Variants in ZPBP observed in about 807,000 individuals in gnomAD.
ZPBP encodes zona pellucida-binding protein 1.
ZPBP carries 26 observed loss-of-function variants against 44.8 expected under a neutral mutation model. The observed-to-expected ratio is 0.58, with a 90% CI of 0.43 to 0.81. ZPBP has a LOEUF of 0.81. ZPBP is among the 30% of genes least tolerant of loss of function. The probability of loss-of-function intolerance (pLI) is 0.00; values close to 1 mark genes in which losing one functional copy is unlikely to be tolerated. For synonymous variants in ZPBP, 174 were observed against 153.2 expected (o/e 1.14, Z -1.00); for missense variants, 409 against 434.0 (o/e 0.94, Z 0.51).
intron 1 of ZPBP, among the ~76,000 whole-genome samples, chr7:49,906,164 C>A (rs1793076662): frequency 6.6e-6 from 1 of 152,156 alleles, no homozygotes; most frequent in African/African-American, 2.4e-5. Flanking sequence ...TTTCACTTTA[C>A]TCTATGGACT....
intron 2 of ZPBP, among the ~76,000 whole-genome samples, chr7:49,871,837 A>G (rs972837931): frequency 2.6e-5 from 4 of 151,842 alleles, no homozygotes; most frequent in Admixed American, 2.6e-4. Context: ...AGACATACAT[A>G]CATGTACATG....
chr7:49,976,719 G>T (rs1249238097), intron 7 of ZPBP, among the ~76,000 whole-genome samples: 1 of 151,890 alleles, frequency 6.6e-6, no homozygotes, highest in African/African-American at 2.4e-5. Flanking sequence ...TTTGACCCAC[G>T]AAGTCTTCAT....
At chr7:49,900,599 T>C (rs927574815) in intron 2 of ZPBP, among the ~76,000 whole-genome samples, 1 of 151,648 alleles carries the variant, frequency 6.6e-6, no homozygotes, top group African/African-American at 2.4e-5. Flanking sequence ...CTGACAAAGC[T>C]CACACAAAAT....
intron 4 of ZPBP, among the ~76,000 whole-genome samples, chr7:50,045,897 T>C (rs1307088956): frequency 6.6e-6 from 1 of 152,114 alleles, no homozygotes; most frequent in Non-Finnish European, 1.5e-5. Flanking sequence ...CTTCAAACTA[T>C]ACTACAAGGC....
intron 4 of ZPBP, among the ~76,000 whole-genome samples, chr7:50,033,805 G>A (rs1052414161): frequency 5.3e-5 from 8 of 151,918 alleles, no homozygotes; most frequent in East Asian, 1.9e-4. Flanking sequence ...TGATTCTCCC[G>A]CCTCAGCCTC....
At chr7:50,062,958 GT>G (rs1801319508) in intron 3 of ZPBP, among the ~76,000 whole-genome samples, 1 of 146,786 alleles carries the variant, frequency 6.8e-6, no homozygotes, top group Admixed American at 7.0e-5. Context: ...CAAACAAAGA[GT>G]CGTTACCTTT....
chr7:49,978,199 A>T (rs942215977), intron 7 of ZPBP, among the ~76,000 whole-genome samples: 12 of 151,672 alleles, frequency 7.9e-5, no homozygotes, highest in African/African-American at 2.9e-4. Flanking sequence ...GTTTTCACAA[A>T]CTTCTTTTAA....
chr7:49,930,164 G>T (rs1794398695), intron 1 of ZPBP, among the ~76,000 whole-genome samples: 1 of 152,172 alleles, frequency 6.6e-6, no homozygotes, highest in African/African-American at 2.4e-5. Flanking sequence ...ACTAAGGACT[G>T]GGGGCAAGAG....
chr7:49,997,924 T>C (rs1797924148), intron 6 of ZPBP, among the ~76,000 whole-genome samples: 1 of 152,022 alleles, frequency 6.6e-6, no homozygotes, highest in Non-Finnish European at 1.5e-5. Flanking sequence ...ATTTATTTAT[T>C]CATTTATTTT....
chr7:49,840,882 C>G, the ZPBP span, among the ~76,000 whole-genome samples: 1 of 152,110 alleles, frequency 6.6e-6, no homozygotes, highest in East Asian at 1.9e-4. Context: ...GTTGCCCTGT[C>G]TCAAGTTTTC....
chr7:49,879,867 A>G (rs909560712), intron 2 of ZPBP, among the ~76,000 whole-genome samples: 1 of 152,046 alleles, frequency 6.6e-6, no homozygotes, highest in Non-Finnish European at 1.5e-5. Context: ...AAAACCTCAG[A>G]AAGTTATTTG....
chr7:49,981,001 G>T, intron 7 of ZPBP, among the ~76,000 whole-genome samples: 1 of 150,388 alleles, frequency 6.6e-6, no homozygotes, highest in African/African-American at 2.4e-5. Flanking sequence ...AACTTTTTGT[G>T]TTTTGTTATT....
At chr7:49,956,720 C>T (rs1795614158) in intron 7 of ZPBP, among the ~76,000 whole-genome samples, 1 of 151,994 alleles carries the variant, frequency 6.6e-6, no homozygotes, top group African/African-American at 2.4e-5. Flanking sequence ...TCCACAAATC[C>T]TATATTGAGC....
rs550726984 is a variant in ZPBP, at chr7:49,985,157, C to A, written c.784-1638G>T. Among the ~76,000 whole-genome samples the A allele has an allele frequency of 1.6e-3, 246 of 152,328 alleles. 8 individuals carry two copies. In the South Asian group the frequency reaches 0.049, roughly 30 times the overall value. ...GCTGAGCTACCTGAATAGGCTCCAG[C>A]CACCTGTGACACTGAACTGGAACAA... On this transcript the variant is annotated intron_variant, in intron 6 of 7. Coordinates refer to ENST00000046087, the MANE Select transcript of ZPBP (RefSeq NM_007009.3).
At chr7:49,925,037 C>G (rs1039772662) in intron 1 of ZPBP, among the ~76,000 whole-genome samples, 2 of 152,218 alleles carry the variant, frequency 1.3e-5, no homozygotes, top group Admixed American at 6.5e-5. Flanking sequence ...ATGGGCCCAG[C>G]AGGAGCTGGC....
intron 2 of ZPBP, among the ~76,000 whole-genome samples, chr7:49,897,005 C>T (rs1239805199): frequency 6.6e-6 from 1 of 151,216 alleles, no homozygotes; most frequent in Non-Finnish European, 1.5e-5. Flanking sequence ...ACGCCATTCT[C>T]CTGCCTCAGC....
chr7:50,035,602 G>A (rs182121782), intron 4 of ZPBP, among the ~76,000 whole-genome samples: 129 of 152,140 alleles, frequency 8.5e-4, no homozygotes, highest in Middle Eastern at 3.4e-3. Context: ...AGGAAAACAG[G>A]CAAAATATAT....
chr7:50,090,303 T>C (rs1185273165), intron 1 of ZPBP, among the ~76,000 whole-genome samples: 6 of 152,054 alleles, frequency 3.9e-5, no homozygotes, highest in South Asian at 2.1e-4. Flanking sequence ...CTCATGCCTT[T>C]GCATCCTCAT....
At chr7:50,026,456 A>G (rs558331766) in intron 5 of ZPBP, among the ~76,000 whole-genome samples, 6 of 152,026 alleles carry the variant, frequency 3.9e-5, no homozygotes, top group African/African-American at 7.2e-5. Context: ...CCTCCACCCA[A>G]CAACAGGAGA....
Sources: gnomAD v4.1 joint callset for allele counts (sites outside exome capture counted in the v4.1 genomes callset) on GRCh38, gnomAD v4.1.1 for gene constraint, MANE v1.5 for transcripts, NCBI Gene and HGNC (gene_info 2026-07-23, HGNC 2026-07-21) for gene names.